Variants in ATP2C2 observed in about 807,000 individuals in gnomAD.
The protein encoded by ATP2C2 is ATPase secretory pathway Ca2+ transporting 2.
A neutral mutation model predicts 110.8 loss-of-function variants in ATP2C2; 171 were observed. The observed-to-expected ratio is 1.54, with a 90% CI of 1.36 to 1.75. The LOEUF (loss-of-function observed/expected upper bound fraction) is 1.75, where lower values mean the gene tolerates loss of function less well. Among genes scored for constraint, ATP2C2 ranks in the 40% most tolerant of loss-of-function variants. The pLI is 0.00. For synonymous variants in ATP2C2, 804 were observed against 508.4 expected (o/e 1.58, Z -7.82); for missense variants, 1,963 against 1,235.0 (o/e 1.59, Z -8.84).
chr16:84,417,078 C>T (rs1906905208), intron 7 of ATP2C2, among the ~76,000 whole-genome samples: 1 of 152,224 alleles, frequency 6.6e-6, no homozygotes, highest in Non-Finnish European at 1.5e-5. Flanking sequence ...GACCATCATT[C>T]AAAGCCTTGT....
intron 7 of ATP2C2, among the ~76,000 whole-genome samples, chr16:84,418,692 C>A (rs994602240): frequency 1.3e-5 from 2 of 152,198 alleles, no homozygotes; most frequent in African/African-American, 4.8e-5. Flanking sequence ...GCCTCTAGCT[C>A]CGCAGCCCAT....
intron 16 of ATP2C2, 34 bp from the exon 17 acceptor site, chr16:84,448,499 T>A: frequency 6.3e-7 from 1 of 1,587,968 alleles, no homozygotes; most frequent in East Asian, 2.3e-5. Flanking sequence ...AGGCTTCCAG[T>A]GATAGTGGAT....
chr16:84,394,668 G>A (rs555564302), intron 1 of ATP2C2, among the ~76,000 whole-genome samples: 24 of 152,182 alleles, frequency 1.6e-4, no homozygotes, highest in Non-Finnish European at 2.9e-4. Flanking sequence ...TCTGTTCCAC[G>A]CTTCTCTTCA....
intron 25 of ATP2C2, 76 bp from the exon 26 acceptor site, chr16:84,461,912 T>G (rs1597892619): frequency 6.2e-7 from 1 of 1,606,160 alleles, no homozygotes; most frequent in East Asian, 2.2e-5. Context: ...TGGCTCAGCG[T>G]GGGCAGTCAG....
At position 84,370,871 on chromosome 16, in the gene ATP2C2, G is replaced by A. The variant is rs147316379; in HGVS notation, c.99+2157G>A. Among the ~76,000 whole-genome samples the A allele has an allele frequency of 1.4e-3, 208 of 152,158 alleles. 1 individual carries two copies. The highest frequency in any genetic ancestry group is 2.3e-3 in the Non-Finnish European group (157 of 68,004). ...TAGTGATTGTTACTGAGAACTTGCT[G>A]TGTCTTCTCTTGGGCCTCTTACCTC... On this transcript the variant is annotated intron_variant, in intron 1 of 26. Coordinates refer to ENST00000262429, the MANE Select transcript of ATP2C2 (RefSeq NM_014861.4).
At chr16:84,463,471 G>C in intron 26 of ATP2C2, 143 bp from the exon 27 acceptor site, 1 of 692,516 alleles carries the variant, frequency 1.4e-6, no homozygotes, top group Non-Finnish European at 2.5e-6. Flanking sequence ...GGGTTAGGAA[G>C]ATCTCCCTGC....
At chr16:84,417,734 C>T (rs1906965749) in intron 7 of ATP2C2, among the ~76,000 whole-genome samples, 1 of 152,188 alleles carries the variant, frequency 6.6e-6, no homozygotes, top group African/African-American at 2.4e-5. Flanking sequence ...TGTACAAAAA[C>T]TATTGTACCT....
At chr16:84,427,225 C>G (rs760843376) in intron 11 of ATP2C2, among the ~76,000 whole-genome samples, 1 of 152,060 alleles carries the variant, frequency 6.6e-6, no homozygotes, top group African/African-American at 2.4e-5. Flanking sequence ...ATACATCAAA[C>G]CCATGATGTA....
chr16:84,422,025 G>A (rs536321054), intron 7 of ATP2C2, among the ~76,000 whole-genome samples: 25 of 152,254 alleles, frequency 1.6e-4, no homozygotes, highest in Non-Finnish European at 3.1e-4. Context: ...GGATTGTGTG[G>A]GAACCATACA....
At chr16:84,413,368 C>T (rs770423733) in intron 6 of ATP2C2, among the ~76,000 whole-genome samples, 11 of 152,080 alleles carry the variant, frequency 7.2e-5, no homozygotes, top group South Asian at 2.1e-4. Flanking sequence ...TAATACAAGG[C>T]GGAGAATGAC....
At chr16:84,450,675 G>A (rs1032616448) in intron 17 of ATP2C2, among the ~76,000 whole-genome samples, 2 of 152,122 alleles carry the variant, frequency 1.3e-5, no homozygotes, top group Non-Finnish European at 2.9e-5. Context: ...TGTCAGTGAG[G>A]GGGCAAGGAT....
At chr16:84,406,795 C>A in intron 3 of ATP2C2, 1 of 300,460 alleles carries the variant, frequency 3.3e-6, no homozygotes, top group Non-Finnish European at 4.9e-6. Context: ...GGCTGGAGAT[C>A]TCTTTGCTCT....
intron 3 of ATP2C2, 66 bp from the exon 4 acceptor site, chr16:84,408,339 C>A (rs1220021792): frequency 2.0e-6 from 3 of 1,477,864 alleles, no homozygotes; most frequent in Non-Finnish European, 1.9e-6. Context: ...AACTTCTGCA[C>A]AGTAAGAAAC....
intron 2 of ATP2C2, among the ~76,000 whole-genome samples, chr16:84,400,914 T>G (rs1315603177): frequency 6.6e-6 from 1 of 152,206 alleles, no homozygotes; most frequent in Non-Finnish European, 1.5e-5. Flanking sequence ...AAAAACAGAT[T>G]ATTAGGTTTT....
intron 1 of ATP2C2, among the ~76,000 whole-genome samples, chr16:84,397,208 C>T (rs1303777027): frequency 2.0e-5 from 3 of 151,752 alleles, no homozygotes; most frequent in Admixed American, 6.6e-5. Flanking sequence ...AGGTGTTTCA[C>T]GTGGCTTCTT....
At chr16:84,402,533 G>GT (rs982540097) in intron 2 of ATP2C2, among the ~76,000 whole-genome samples, 7 of 151,990 alleles carry the variant, frequency 4.6e-5, no homozygotes, top group Non-Finnish European at 7.4e-5. Flanking sequence ...ATTCTGTCAC[G>GT]TTTTTTCAGC....
intron 2 of ATP2C2, among the ~76,000 whole-genome samples, chr16:84,400,973 G>A (rs1201607952): frequency 6.6e-6 from 1 of 152,102 alleles, no homozygotes; most frequent in Non-Finnish European, 1.5e-5. Flanking sequence ...TATTAATCCC[G>A]TGTCAGATGG....
rs1332551552 is a variant in ATP2C2 at position 84,459,364 on chromosome 16, A to G, written c.2311A>G (p.Met771Val). The G allele has an allele frequency of 3.1e-6, 5 of 1,614,144 alleles. No homozygotes were observed. Among genetic ancestry groups the G allele is most frequent in the East Asian group, 2.2e-5 (1 of 44,874 alleles). ...AMQILWINIIMDGPPAQSLGV... is the reference protein window; with the variant it reads ...AMQILWINIIVDGPPAQSLGV... Reference sequence around the variant, plus strand: ...GCAGATCCTATGGATCAACATCATCATGGATGGGCCACCGGCGCAGAGGTG... The same window carrying G: ...GCAGATCCTATGGATCAACATCATCGTGGATGGGCCACCGGCGCAGAGGTG... The change falls in exon 23 of 27, where the codon ATG becomes GTG. Residue 771 changes from methionine (M) to valine (V), a missense_variant. Met to Val is a conservative substitution (Grantham distance 21, BLOSUM62 1). Coordinates refer to ENST00000262429, the MANE Select transcript of ATP2C2 (RefSeq NM_014861.4).
At chr16:84,444,619 G>C (rs916812852) in intron 15 of ATP2C2, among the ~76,000 whole-genome samples, 1 of 152,200 alleles carries the variant, frequency 6.6e-6, no homozygotes, top group East Asian at 1.9e-4. Flanking sequence ...ACTCCTCGCC[G>C]CCCAGAAGGG....
Sources: gnomAD v4.1 joint callset for allele counts (sites outside exome capture counted in the v4.1 genomes callset) on GRCh38, gnomAD v4.1.1 for gene constraint, MANE v1.5 for transcripts, NCBI Gene and HGNC (gene_info 2026-07-23, HGNC 2026-07-21) for gene names.